The following ADAMTSL1 variants were observed in gnomAD, a reference collection of about 807,000 sequenced individuals.
ADAMTSL1 encodes ADAMTS like 1.
Under a neutral mutation model 201.8 loss-of-function variants are expected in ADAMTSL1, and 126 were observed. The observed-to-expected ratio is 0.62, with a 90% confidence interval of 0.54 to 0.72. The LOEUF is 0.72. ADAMTSL1 is among the 30% of genes least tolerant of loss of function. The probability of loss-of-function intolerance (pLI) is 0.00; values close to 1 mark genes in which losing one functional copy is unlikely to be tolerated. For synonymous variants in ADAMTSL1, 1,121 were observed against 903.4 expected (o/e 1.24, Z -4.32); for missense variants, 2,679 against 2,277.8 (o/e 1.18, Z -3.59).
chr9:18,591,013 A>G (rs2083162788), intron 4 of ADAMTSL1, among the ~76,000 whole-genome samples: 1 of 152,180 alleles, frequency 6.6e-6, no homozygotes, highest in Admixed American at 6.5e-5. Context: ...TAGCAGTTGG[A>G]TGAAATATTC....
chr9:18,093,718 A>T (rs529906337), intron 1 of ADAMTSL1, among the ~76,000 whole-genome samples: 1 of 152,294 alleles, frequency 6.6e-6, no homozygotes, highest in East Asian at 1.9e-4. Flanking sequence ...CTGGGTTTCA[A>T]AGTATTTGGC....
chr9:18,069,800 G>A (rs1238697027), intron 1 of ADAMTSL1, among the ~76,000 whole-genome samples: 2 of 152,170 alleles, frequency 1.3e-5, no homozygotes, highest in African/African-American at 4.8e-5. Context: ...AGAAAGATCA[G>A]GAGGTCTCTA....
At chr9:18,018,725 G>C (rs1820360871) in intron 1 of ADAMTSL1, among the ~76,000 whole-genome samples, 1 of 152,066 alleles carries the variant, frequency 6.6e-6, no homozygotes, top group South Asian at 2.1e-4. Context: ...CTTAACTGCA[G>C]TTTCATGAGA....
intron 22 of ADAMTSL1, among the ~76,000 whole-genome samples, chr9:18,827,026 G>C (rs1013271596): frequency 6.6e-6 from 1 of 151,980 alleles, no homozygotes; most frequent in African/African-American, 2.4e-5. Context: ...AATAATTGCT[G>C]GGACACCATC....
rs371027612 is a variant in ADAMTSL1 at position 18,309,312 on chromosome 9, A to G, written c.207+145331A>G. Reference sequence around the variant, plus strand: ...TGCCCTCCCTCACCACTCCTATTCAACATAGTATTGGAAGCTGTGGCCAGG... The same window carrying G: ...TGCCCTCCCTCACCACTCCTATTCAGCATAGTATTGGAAGCTGTGGCCAGG... On this transcript the variant is annotated intron_variant, in intron 2 of 29. Coordinates refer to the ADAMTSL1 transcript ENST00000680146. 1.4e-4 allele frequency among the ~76,000 whole-genome samples: 21 copies of G among 152,270 alleles called. No homozygotes were observed. The East Asian group carries it at 3.9e-3, about 28-fold the overall frequency.
intron 2 of ADAMTSL1, among the ~76,000 whole-genome samples, chr9:18,393,863 C>G (rs957404694): frequency 6.6e-6 from 1 of 152,156 alleles, no homozygotes; most frequent in Non-Finnish European, 1.5e-5. Context: ...AAGCCTGGGT[C>G]CTGGATGATA....
chr9:18,012,876 A>T (rs139599563), intron 1 of ADAMTSL1, among the ~76,000 whole-genome samples: 30 of 152,058 alleles, frequency 2.0e-4, no homozygotes, highest in African/African-American at 7.0e-4. Context: ...TATAATGTAA[A>T]TTTTACTCAG....
At chr9:18,640,508 G>T (rs1827372604) in intron 7 of ADAMTSL1, among the ~76,000 whole-genome samples, 1 of 151,974 alleles carries the variant, frequency 6.6e-6, no homozygotes, top group Non-Finnish European at 1.5e-5. Context: ...AAGCAATATT[G>T]CTTACATTGG....
intron 1 of ADAMTSL1, among the ~76,000 whole-genome samples, chr9:18,127,194 C>T (rs1355920502): frequency 2.0e-5 from 3 of 152,044 alleles, no homozygotes; most frequent in African/African-American, 7.3e-5. Context: ...CCATTTAGAC[C>T]TGAAGAGAAG....
At chr9:17,974,247 G>A (rs1433334568) in intron 1 of ADAMTSL1, among the ~76,000 whole-genome samples, 1 of 151,926 alleles carries the variant, frequency 6.6e-6, no homozygotes, top group Non-Finnish European at 1.5e-5. Context: ...TCTGGCCAGG[G>A]CAATCAGGCA....
At chr9:18,231,393 C>T (rs986318017) in intron 2 of ADAMTSL1, among the ~76,000 whole-genome samples, 7 of 152,174 alleles carry the variant, frequency 4.6e-5, no homozygotes, top group African/African-American at 9.7e-5. Flanking sequence ...TCAGGTTCTA[C>T]GACCTAGAGT....
chr9:18,837,785 C>G (rs1378285307), intron 23 of ADAMTSL1, among the ~76,000 whole-genome samples: 1 of 152,138 alleles, frequency 6.6e-6, no homozygotes, highest in African/African-American at 2.4e-5. Flanking sequence ...CCATGTGGCC[C>G]AAAAACCTAA....
chr9:18,320,468 T>G (rs1229057613), intron 2 of ADAMTSL1, among the ~76,000 whole-genome samples: 1 of 152,184 alleles, frequency 6.6e-6, no homozygotes, highest in African/African-American at 2.4e-5. Context: ...AAAGGAAAGC[T>G]GAGAGAATTT....
At chr9:18,188,107 G>A (rs1340733553) in intron 2 of ADAMTSL1, among the ~76,000 whole-genome samples, 1 of 152,092 alleles carries the variant, frequency 6.6e-6, no homozygotes, top group Non-Finnish European at 1.5e-5. Flanking sequence ...CACAAAAAAA[G>A]AGAAACCCTA....
At chr9:18,151,322 G>A (rs1354440237) in intron 1 of ADAMTSL1, among the ~76,000 whole-genome samples, 1 of 151,962 alleles carries the variant, frequency 6.6e-6, no homozygotes, top group East Asian at 1.9e-4. Context: ...CTATTATAGA[G>A]GATGTGGGAA....
intron 1 of ADAMTSL1, among the ~76,000 whole-genome samples, chr9:18,085,778 T>C (rs186646248): frequency 4.6e-5 from 7 of 151,156 alleles, no homozygotes; most frequent in Admixed American, 2.6e-4. Flanking sequence ...TGTATATATA[T>C]ATACACACAC....
At chr9:18,188,974 T>C (rs762718329) in intron 2 of ADAMTSL1, among the ~76,000 whole-genome samples, 1 of 152,226 alleles carries the variant, frequency 6.6e-6, no homozygotes, top group Non-Finnish European at 1.5e-5. Context: ...TAGGTCACAC[T>C]GTTAGCACCT....
At chr9:18,162,028 G>A (rs1335932487) in intron 1 of ADAMTSL1, among the ~76,000 whole-genome samples, 1 of 152,008 alleles carries the variant, frequency 6.6e-6, no homozygotes, top group Non-Finnish European at 1.5e-5. Flanking sequence ...GCTTAAAATA[G>A]CACAAAAGTA....
chr9:18,660,416 T>G (rs1200281374), intron 8 of ADAMTSL1, among the ~76,000 whole-genome samples: 1 of 152,178 alleles, frequency 6.6e-6, no homozygotes, highest in East Asian at 1.9e-4. Context: ...ATCTGATGAT[T>G]TTGGTCATTT....
Sources: allele counts gnomAD v4.1 joint callset (sites outside exome capture counted in the v4.1 genomes callset), GRCh38; gene constraint gnomAD v4.1.1; transcripts MANE v1.5; gene names NCBI Gene and HGNC (gene_info 2026-07-23, HGNC 2026-07-21).